The following SVIL variants were observed in gnomAD, a reference collection of about 807,000 sequenced individuals.
The protein encoded by SVIL is supervillin.
In SVIL, 101 loss-of-function variants were observed where a neutral mutation model predicts 240.4. The observed-to-expected ratio is 0.42, with a 90% CI of 0.36 to 0.50. The LOEUF (loss-of-function observed/expected upper bound fraction) is 0.50, where lower values mean the gene tolerates loss of function less well. Among genes scored for constraint, SVIL ranks in the 20% least tolerant of loss-of-function variants. The pLI is 0.01. For missense variants in SVIL, 2,512 were observed against 2,818.7 expected (o/e 0.89, Z 2.46); for synonymous variants, 999 against 1,100.0 (o/e 0.91, Z 1.82).
chr10:29,560,758 C>T (rs564860313), intron 3 of SVIL, among the ~76,000 whole-genome samples: 5 of 151,874 alleles, frequency 3.3e-5, no homozygotes, highest in South Asian at 4.3e-4. Flanking sequence ...TCCAAATCTG[C>T]CTATTTTTTT....
chr10:29,472,424 A>C (rs1945691686), intron 30 of SVIL, among the ~76,000 whole-genome samples: 1 of 152,148 alleles, frequency 6.6e-6, no homozygotes, highest in Non-Finnish European at 1.5e-5. Flanking sequence ...TTCTGGCAAG[A>C]ATGTCTCTGC....
intron 6 of SVIL, among the ~76,000 whole-genome samples, chr10:29,540,693 T>C (rs1379688385): frequency 6.6e-6 from 1 of 151,600 alleles, no homozygotes; most frequent in African/African-American, 2.4e-5. Flanking sequence ...ACTCTAAGGT[T>C]AAGCAAGGAA....
At chr10:29,527,356 C>T (rs1460456865) in intron 12 of SVIL, among the ~76,000 whole-genome samples, 1 of 152,126 alleles carries the variant, frequency 6.6e-6, no homozygotes, top group Non-Finnish European at 1.5e-5. Flanking sequence ...TTCAAAAAAG[C>T]AAATATTAGC....
At chr10:29,545,993 CA>C (rs1172012368) in intron 6 of SVIL, among the ~76,000 whole-genome samples, 4 of 151,752 alleles carry the variant, frequency 2.6e-5, no homozygotes, top group African/African-American at 9.7e-5. Flanking sequence ...GCAAAGGCAA[CA>C]GCAGGACTGA....
At chr10:29,736,815 G>A (rs1249887505), upstream of SVIL, 1 of 152,386 alleles carries the variant, frequency 6.6e-6, no homozygotes, top group Non-Finnish European at 1.5e-5. Context: ...GGCTCTCGAG[G>A]AGGTGTGGGC....
intron 1 of SVIL, among the ~76,000 whole-genome samples, chr10:29,582,665 G>A (rs1342824257): frequency 6.6e-6 from 1 of 151,862 alleles, no homozygotes; most frequent in East Asian, 1.9e-4. Flanking sequence ...CCAGAAATTT[G>A]AGGCTGTGGT....
At chr10:29,699,361 G>A (rs1398169827) in intron 1 of SVIL, among the ~76,000 whole-genome samples, 1 of 39,090 alleles carries the variant, frequency 2.6e-5, no homozygotes, top group African/African-American at 7.6e-5. Flanking sequence ...CTGAAATGCA[G>A]TGCAATCTTG....
intron 13 of SVIL, among the ~76,000 whole-genome samples, chr10:29,526,388 T>G (rs546956411): frequency 7.1e-6 from 1 of 140,488 alleles, no homozygotes; most frequent in East Asian, 2.2e-4. Flanking sequence ...CACTGCAACC[T>G]CTGCCTCCCA....
At chr10:29,460,740 T>C (rs985064855) in intron 36 of SVIL, among the ~76,000 whole-genome samples, 4 of 151,948 alleles carry the variant, frequency 2.6e-5, no homozygotes, top group African/African-American at 9.7e-5. Context: ...AAAACCTCAT[T>C]GAAAATACAA....
chr10:29,622,249 C>CAAAAAAAAA (rs71020801), intron 1 of SVIL, among the ~76,000 whole-genome samples: 1 of 51,634 alleles, frequency 1.9e-5, no homozygotes, highest in African/African-American at 9.9e-5. Context: ...GACTCCGTCT[C>CAAAAAAAAA]AAAAAAAAAA....
intron 1 of SVIL, among the ~76,000 whole-genome samples, chr10:29,712,935 G>A (rs1160534822): frequency 1.3e-5 from 2 of 152,206 alleles, no homozygotes; most frequent in Admixed American, 1.3e-4. Flanking sequence ...CCAGCACTTT[G>A]GGAGGCTGAG....
chr10:29,495,202 C>T (rs1484759816), intron 18 of SVIL, 21 bp from the exon 19 acceptor site: 6 of 1,345,828 alleles, frequency 4.5e-6, no homozygotes, highest in Non-Finnish European at 6.3e-6. Context: ...CACAGACGAG[C>T]TACTGAGCAT....
chr10:29,562,747 C>G (rs1387527060), intron 3 of SVIL, among the ~76,000 whole-genome samples: 2 of 128,464 alleles, frequency 1.6e-5, no homozygotes, highest in African/African-American at 6.0e-5. Flanking sequence ...GGCGACAGAG[C>G]GAGACTCCGT....
At position 29,524,039 on chromosome 10, in the gene SVIL, C is replaced by T. The variant is rs754920853; in HGVS notation, c.2587-12G>A. On this transcript the variant is annotated splice_polypyrimidine_tract_variant and intron_variant, in intron 14 of 37. Coordinates refer to ENST00000355867, the MANE Select transcript of SVIL (RefSeq NM_021738.3). ...TTTCCACTCTGCACCTGGAAGGACA[C>T]AGTTAAAAATTAAAAAGCTGCTTGA... The T allele has an allele frequency of 3.8e-6, 6 of 1,576,308 alleles. No individual in the cohort carries two copies. Among genetic ancestry groups the T allele is most frequent in the South Asian group, 3.5e-5 (3 of 85,284 alleles).
intron 6 of SVIL, among the ~76,000 whole-genome samples, chr10:29,542,378 G>A (rs1367828377): frequency 2.0e-5 from 3 of 152,140 alleles, no homozygotes; most frequent in Non-Finnish European, 2.9e-5. Flanking sequence ...TAATGCTATC[G>A]CTGCAATCAT....
At chr10:29,710,542 CTG>C (rs1455844862) in intron 1 of SVIL, among the ~76,000 whole-genome samples, 1 of 152,192 alleles carries the variant, frequency 6.6e-6, no homozygotes, top group African/African-American at 2.4e-5. Context: ...AGACATCTCA[CTG>C]TCAAATTACT....
At chr10:29,673,811 C>T (rs549132073) in intron 2 of SVIL, among the ~76,000 whole-genome samples, 47 of 152,258 alleles carry the variant, frequency 3.1e-4, no homozygotes, top group South Asian at 2.3e-3. Flanking sequence ...ATCAGCATTA[C>T]AGCAGTCTTG....
At chr10:29,466,903 T>C (rs949783328) in intron 33 of SVIL, among the ~76,000 whole-genome samples, 4 of 152,206 alleles carry the variant, frequency 2.6e-5, no homozygotes, top group African/African-American at 9.6e-5. Context: ...AAAAGCTATA[T>C]AAAAGTTTAT....
intron 22 of SVIL, among the ~76,000 whole-genome samples, chr10:29,490,435 GA>G (rs1183717987): frequency 1.3e-5 from 2 of 151,970 alleles, no homozygotes; most frequent in Non-Finnish European, 2.9e-5. Flanking sequence ...CTAACTTCCA[GA>G]AAAAAACTCA....
Sources: allele counts gnomAD v4.1 joint callset (sites outside exome capture counted in the v4.1 genomes callset), GRCh38; gene constraint gnomAD v4.1.1; transcripts MANE v1.5; gene names NCBI Gene and HGNC (gene_info 2026-07-23, HGNC 2026-07-21).